The following WNK1 variants were observed in gnomAD, a reference collection of about 807,000 sequenced individuals.
The protein encoded by WNK1 is WNK lysine deficient protein kinase 1.
WNK1 carries 38 observed loss-of-function variants against 222.8 expected under a neutral mutation model. The observed-to-expected ratio is 0.17, with a 90% CI of 0.13 to 0.22. The LOEUF (loss-of-function observed/expected upper bound fraction) is 0.22, where lower values mean the gene tolerates loss of function less well. Ranked by LOEUF, WNK1 falls within the 10% of genes least tolerant of loss-of-function variation. The probability of loss-of-function intolerance (pLI) is 1.00; values close to 1 mark genes in which losing one functional copy is unlikely to be tolerated. For synonymous variants in WNK1, 1,090 were observed against 1,092.9 expected (o/e 1.00, Z 0.05); for missense variants, 2,348 against 2,918.4 (o/e 0.80, Z 4.50).
At position 908,861 on chromosome 12, in the gene WNK1, G is replaced by GGGGGGGGGGCCA; in HGVS notation, c.*69_*70insGGGGGGGGGCCA. The GGGGGGGGGGCCA allele has an allele frequency of 4.1e-6, 2 of 491,844 alleles. No homozygotes were observed. Among genetic ancestry groups the GGGGGGGGGGCCA allele is most frequent in the Non-Finnish European group, 8.3e-6 (2 of 241,770 alleles). The allele number at this position is 491,844 out of a possible 1,614,324, so 30.5% of individuals were successfully genotyped here. ...ATGCTGAGGGGGTGGGTGGGGGTGGGAAGTAGCCTATATACTAACTACTAG... is the reference window on the plus strand; with the variant it reads ...ATGCTGAGGGGGTGGGTGGGGGTGGGGGGGGGGGGCCAAAGTAGCCTATATACTAACTACTAG... On this transcript the variant is annotated 3_prime_UTR_variant, in exon 28 of 28. Transcript: ENST00000315939.
Position 862,076 on chromosome 12 carries a change from C to T in WNK1, c.1952-7C>T, listed in dbSNP as rs1485244670. On this transcript the variant is annotated splice_polypyrimidine_tract_variant and splice_region_variant and intron_variant, in intron 7 of 27. Coordinates refer to ENST00000315939, the MANE Select transcript of WNK1 (RefSeq NM_018979.4). ...CTCTTTTTTTTGGCGATTCATTTTT[C>T]CTTCAGCTGATGGGACGGTTGACAG... 17 of 1,613,624 alleles carry T rather than the reference C, an allele frequency of 1.1e-5. No homozygotes were observed. The highest frequency in any genetic ancestry group is 1.4e-5 in the Non-Finnish European group (17 of 1,179,870).
chr12:761,930 G>C lies in WNK1; in HGVS notation c.759+7606G>C, dbSNP rs1419392023. ...ACACAGTCATCCGTCAGTATACACA[G>C]GAGATTGGTTCCAGACAGCCCCCAC... On this transcript the variant is annotated intron_variant, in intron 1 of 27. Coordinates refer to ENST00000315939, the MANE Select transcript of WNK1 (RefSeq NM_018979.4). Among the ~76,000 whole-genome samples, 2 of 147,300 alleles carry C rather than the reference G, an allele frequency of 1.4e-5. 1 individual carries two copies. The highest frequency in any genetic ancestry group is 3.0e-5 in the Non-Finnish European group (2 of 66,000).
intron 1 of WNK1, among the ~76,000 whole-genome samples, chr12:804,016 TA>T (rs1423124996): frequency 6.6e-6 from 1 of 152,184 alleles, no homozygotes; most frequent in Non-Finnish European, 1.5e-5. Flanking sequence ...GCTTTGCAAA[TA>T]AGAAAATGTA....
At chr12:814,150 G>A (rs1043703649) in intron 2 of WNK1, among the ~76,000 whole-genome samples, 3 of 149,206 alleles carry the variant, frequency 2.0e-5, no homozygotes, top group African/African-American at 7.8e-5. Flanking sequence ...CCAACGTGGT[G>A]AAACCCCGTC....
chr12:859,503 T>C, intron 6 of WNK1, 39 bp downstream of exon 6: 1 of 1,479,748 alleles, frequency 6.8e-7, no homozygotes, highest in East Asian at 2.3e-5. Context: ...GATTTAGACT[T>C]ATATATATCA....
intron 10 of WNK1, 61 bp downstream of exon 10, chr12:878,422 G>A (rs1952819502): frequency 3.2e-6 from 5 of 1,545,964 alleles, no homozygotes; most frequent in Non-Finnish European, 4.4e-6. Flanking sequence ...GTGCTAAAAG[G>A]GATTTCCATG....
rs148662159 is a variant in WNK1, at chr12:872,614, C to G, written c.2223+1266C>G. ...TTGCAAGGGAATAATGCATTTTTGG[C>G]ATAATTGAATACTTATTAGCTATTC... On this transcript the variant is annotated intron_variant, in intron 9 of 27. Coordinates refer to ENST00000315939, the MANE Select transcript of WNK1 (RefSeq NM_018979.4). 5.2e-3 allele frequency among the ~76,000 whole-genome samples: 794 copies of G among 152,286 alleles called. 10 individuals are homozygous for G. The highest frequency in any genetic ancestry group is 0.018 in the African/African-American group (766 of 41,548).
intron 8 of WNK1, chr12:867,828 G>T: frequency 1.2e-6 from 2 of 1,610,282 alleles, no homozygotes; most frequent in South Asian, 2.2e-5. Flanking sequence ...TTTCACATAT[G>T]AATGTATGAA....
Position 754,024 on chromosome 12 carries a change from C to T in WNK1, c.459C>T (p.Pro153=), listed in dbSNP as rs1446171264. Residue 153 remains proline, a synonymous_variant, in exon 1 of 28, where the codon CCC becomes CCT. Coordinates refer to ENST00000315939, the MANE Select transcript of WNK1 (RefSeq NM_018979.4). ...AACAGGCCGTCGCGGGCCCTGCCCC[C>T]TCGACTGTCCCCAGCAGTACCAGCA... is the stretch of plus-strand genomic sequence containing the variant. ...PGEQAVAGPA[P]STVPSSTSKD... 1 of 1,588,964 alleles carries T rather than the reference C, an allele frequency of 6.3e-7. No homozygotes were observed. The highest frequency in any genetic ancestry group is 8.6e-7 in the Non-Finnish European group (1 of 1,168,142).
In WNK1 at chr12:789,420, T is replaced by C. The variant is rs547595721; in HGVS notation, c.760-24222T>C. 1.2e-3 allele frequency among the ~76,000 whole-genome samples: 187 copies of C among 152,276 alleles called. 1 individual carries two copies. The highest frequency in any genetic ancestry group is 1.5e-3 in the Non-Finnish European group (100 of 68,020). ...AGTATGGTAGTATACTAATAAATGG[T>C]ACACACTGCTAGTCATAAAATTTAG... On this transcript the variant is annotated intron_variant, in intron 1 of 27. Coordinates refer to ENST00000315939, the MANE Select transcript of WNK1 (RefSeq NM_018979.4).
intron 6 of WNK1, 87 bp downstream of exon 6, chr12:859,551 C>A: frequency 2.0e-6 from 2 of 997,940 alleles, no homozygotes; most frequent in African/African-American, 1.6e-5. Flanking sequence ...GATGAAGTGC[C>A]GTGTGTGGCA....
At chr12:856,714 A>G (rs1010803243) in intron 4 of WNK1, among the ~76,000 whole-genome samples, 7 of 152,208 alleles carry the variant, frequency 4.6e-5, no homozygotes, top group Non-Finnish European at 7.3e-5. Flanking sequence ...AGATTACTAT[A>G]ATAATATAAT....
chr12:807,350 C>CT (rs1681964628), intron 1 of WNK1, among the ~76,000 whole-genome samples: 1 of 115,532 alleles, frequency 8.7e-6, no homozygotes, highest in African/African-American at 3.2e-5. Flanking sequence ...GCTTTTATTT[C>CT]TTTAAGTGAA....
chr12:868,908 C>G lies in WNK1; in HGVS notation c.2140-2357C>G, dbSNP rs770431607. On this transcript the variant is annotated intron_variant, in intron 8 of 27. Transcript: ENST00000315939. ...TCCTCACAAATCACTTCTTCAGACC[C>G]CAGTGATTTTCAGTCACCTCCCCCT... 1.9e-6 allele frequency: 3 copies of G among 1,599,090 alleles called. No homozygotes were observed. Among genetic ancestry groups the G allele is most frequent in the Non-Finnish European group, 2.6e-6 (3 of 1,171,598 alleles).
intron 5 of WNK1, among the ~76,000 whole-genome samples, chr12:858,088 C>G (rs1454935981): frequency 2.0e-5 from 3 of 151,590 alleles, no homozygotes; most frequent in Non-Finnish European, 4.4e-5. Context: ...GTTTTTAAGC[C>G]TTTATTAAGT....
chr12:798,192 C>CT (rs112573663), intron 1 of WNK1, among the ~76,000 whole-genome samples: 17,561 of 143,306 alleles, frequency 0.12, 1,302 homozygotes, highest in Middle Eastern at 0.2. Context: ...ATTGCATTTT[C>CT]TTTTTTTTTT....
At chr12:836,756 G>A (rs1428847266) in intron 4 of WNK1, among the ~76,000 whole-genome samples, 3 of 152,188 alleles carry the variant, frequency 2.0e-5, no homozygotes, top group Non-Finnish European at 4.4e-5. Flanking sequence ...AGTCCTTAAA[G>A]TCTGCTTTCT....
intron 9 of WNK1, among the ~76,000 whole-genome samples, chr12:873,321 G>T (rs1952321339): frequency 6.6e-6 from 1 of 152,150 alleles, no homozygotes; most frequent in Admixed American, 6.5e-5. Flanking sequence ...GAGAAAAGAA[G>T]AGAGCAGTAC....
chr12:798,121 A>G (rs1284818060), intron 1 of WNK1, among the ~76,000 whole-genome samples: 1 of 151,664 alleles, frequency 6.6e-6, no homozygotes, highest in African/African-American at 2.4e-5. Context: ...GCTCCTTTTT[A>G]TACTTCCTTG....
Sources: allele counts gnomAD v4.1 joint callset (sites outside exome capture counted in the v4.1 genomes callset), GRCh38; gene constraint gnomAD v4.1.1; transcripts MANE v1.5; gene names NCBI Gene and HGNC (gene_info 2026-07-23, HGNC 2026-07-21).